GOLGA4: variants seen among roughly 807,000 people sequenced by gnomAD.
The protein encoded by GOLGA4 is golgin subfamily A member 4.
Under a neutral mutation model 265.9 loss-of-function variants are expected in GOLGA4, and 169 were observed. The observed-to-expected ratio is 0.64, with a 90% confidence interval of 0.56 to 0.72. GOLGA4 has a LOEUF of 0.72. Ranked by LOEUF, GOLGA4 falls within the 30% of genes least tolerant of loss-of-function variation. GOLGA4 has a pLI of 0.00. For missense variants in GOLGA4, 2,482 were observed against 2,483.4 expected (o/e 1.00, Z 0.01); for synonymous variants, 923 against 855.8 (o/e 1.08, Z -1.37).
intron 10 of GOLGA4, chr3:37,313,284 TAC>T (rs1444701693): frequency 8.5e-5 from 13 of 152,248 alleles, no homozygotes; most frequent in Admixed American, 7.9e-4. Context: ...TCTCTGTTGT[TAC>T]CAGAATTCAC....
intron 20 of GOLGA4, among the ~76,000 whole-genome samples, chr3:37,346,842 C>T (rs1277175571): frequency 6.6e-6 from 1 of 152,134 alleles, no homozygotes; most frequent in Non-Finnish European, 1.5e-5. Flanking sequence ...TAAGATTCTG[C>T]TCATCAGACA....
chr3:37,347,165 C>T (rs775437320), intron 20 of GOLGA4, 28 bp from the exon 21 acceptor site: 2 of 1,338,260 alleles, frequency 1.5e-6, no homozygotes, highest in Non-Finnish European at 2.1e-6. Context: ...TTTGTCTTTA[C>T]AGTTTGATCT....
In GOLGA4 at chr3:37,294,874, C is replaced by T. The variant is rs74345885; in HGVS notation, c.583-105C>T. On this transcript the variant is annotated intron_variant, in intron 5 of 23. Coordinates refer to ENST00000361924, the MANE Select transcript of GOLGA4 (RefSeq NM_002078.5). The stretch of plus-strand genomic sequence containing the variant: ...TATTCTCTAATTATTGTTGCTGATA[C>T]CTTAAGGGGAATGCAAATCTGTATT... The T allele has an allele frequency of 6.1e-3, 3,883 of 636,168 alleles. 23 individuals carry two copies. The highest frequency in any genetic ancestry group is 9.2e-3 in the Non-Finnish European group (3,306 of 358,236). The allele number at this position is 636,168 out of a possible 1,614,324, so 39.4% of individuals were successfully genotyped here. A position where few individuals can be genotyped will look rare whatever the true frequency, so the allele number is the denominator to read the frequency against.
At chr3:37,362,205 A>AT (rs891795487) in intron 23 of GOLGA4, among the ~76,000 whole-genome samples, 1 of 31,602 alleles carries the variant, frequency 3.2e-5, no homozygotes, top group African/African-American at 4.9e-5. Flanking sequence ...GCTTTTATTT[A>AT]TTTATTTATT....
At chr3:37,244,516 T>A (rs1455839599) in intron 1 of GOLGA4, among the ~76,000 whole-genome samples, 3 of 152,236 alleles carry the variant, frequency 2.0e-5, no homozygotes, top group Non-Finnish European at 4.4e-5. Flanking sequence ...AGACGTCGGT[T>A]TCTGCTTAAT....
At chr3:37,294,611 T>C (rs1475572563) in intron 5 of GOLGA4, among the ~76,000 whole-genome samples, 1 of 152,152 alleles carries the variant, frequency 6.6e-6, no homozygotes, top group Non-Finnish European at 1.5e-5. Context: ...GGTCTCGAAC[T>C]CCTGACCTCA....
At chr3:37,297,902 G>T (rs753686856) in intron 7 of GOLGA4, among the ~76,000 whole-genome samples, 3 of 152,046 alleles carry the variant, frequency 2.0e-5, no homozygotes, top group Non-Finnish European at 4.4e-5. Flanking sequence ...GGTGGTGTGC[G>T]CCTGTAATCC....
intron 20 of GOLGA4, among the ~76,000 whole-genome samples, chr3:37,341,262 A>G (rs979024237): frequency 3.9e-5 from 6 of 152,242 alleles, no homozygotes; most frequent in Admixed American, 2.6e-4. Flanking sequence ...GATAATCAAG[A>G]TCATTGAATA....
chr3:37,348,455 A>G (rs2097063048), intron 21 of GOLGA4, among the ~76,000 whole-genome samples: 1 of 152,094 alleles, frequency 6.6e-6, no homozygotes, highest in Non-Finnish European at 1.5e-5. Context: ...AGCTAAAACT[A>G]ATTTTCTCCT....
Position 37,302,278 on chromosome 3 carries a change from A to G in GOLGA4, c.1180A>G (p.Met394Val), listed in dbSNP as rs1435404389. 5.0e-6 allele frequency: 8 copies of G among 1,613,100 alleles called. No homozygotes were observed. The highest frequency in any genetic ancestry group is 6.8e-6 in the Non-Finnish European group (8 of 1,179,170). The change falls in exon 10 of 24, where the codon ATG (methionine) becomes GTG (valine). Residue 394 changes from methionine to valine, a missense_variant. Physicochemically the swap from Met to Val is conservative, Grantham distance 21. Transcript: ENST00000361924. Reference protein sequence around the residue: ...IAQLRSRIKQMTTQGEELREQ... With the variant: ...IAQLRSRIKQVTTQGEELREQ... ...TCAACTCCGTAGTCGCATCAAACAG[A>G]TGACTACCCAGGGAGAGGAATTACG... is the stretch of plus-strand genomic sequence containing the variant.
chr3:37,294,947 G>A, intron 5 of GOLGA4, 32 bp from the exon 6 acceptor site: 1 of 1,434,686 alleles, frequency 7.0e-7, no homozygotes, highest in African/African-American at 1.4e-5. Flanking sequence ...GTTTTATACT[G>A]AAAATTACCT....
chr3:37,349,141 T>G (rs758886319), intron 21 of GOLGA4, among the ~76,000 whole-genome samples: 8 of 152,174 alleles, frequency 5.3e-5, no homozygotes, highest in Non-Finnish European at 1.2e-4. Context: ...AATAGAAAAT[T>G]GGTACTAGGT....
intron 10 of GOLGA4, among the ~76,000 whole-genome samples, chr3:37,314,003 C>T (rs1435106344): frequency 1.4e-5 from 2 of 147,914 alleles, no homozygotes; most frequent in Non-Finnish European, 3.0e-5. Context: ...CTTGCTCTGT[C>T]GGCCAGGCTG....
At chr3:37,308,462 A>G (rs558896027) in intron 10 of GOLGA4, among the ~76,000 whole-genome samples, 2 of 151,668 alleles carry the variant, frequency 1.3e-5, no homozygotes, top group East Asian at 3.9e-4. Flanking sequence ...GTAGTATTTT[A>G]TTTTCATTTA....
intron 5 of GOLGA4, among the ~76,000 whole-genome samples, chr3:37,291,274 T>G (rs2096863992): frequency 6.6e-6 from 1 of 152,086 alleles, no homozygotes; most frequent in African/African-American, 2.4e-5. Context: ...GAATACCTGT[T>G]TTTTTTTCCT....
chr3:37,310,626 A>C (rs1327578040), intron 10 of GOLGA4, among the ~76,000 whole-genome samples: 1 of 152,122 alleles, frequency 6.6e-6, no homozygotes, highest in Non-Finnish European at 1.5e-5. Flanking sequence ...GAAAGTGAGG[A>C]GCTAGCAATA....
Position 37,243,456 on chromosome 3 carries a change from G to A in GOLGA4, c.-95G>A. 9.7e-7 allele frequency: 1 copy of A among 1,032,566 alleles called. No individual in the cohort carries two copies. The highest frequency in any genetic ancestry group is 1.5e-6 in the Non-Finnish European group (1 of 653,988). 64.0% of individuals were successfully genotyped at this position (1,032,566 alleles called of 1,614,324 possible). On this transcript the variant is annotated 5_prime_UTR_variant, in exon 1 of 24. In the 5' UTR this introduces an upstream ATG that the reference lacks. Coordinates refer to ENST00000361924, the MANE Select transcript of GOLGA4 (RefSeq NM_002078.5). ...CGAGGCCCGGCCCCCGCTGTCCCTG[G>A]TGTAAAGAAGTCGCCGTAGCCGTCG...
intron 2 of GOLGA4, chr3:37,266,973 T>G (rs1313240655): frequency 1.0e-6 from 1 of 1,001,960 alleles, no homozygotes; most frequent in Non-Finnish European, 1.4e-6. Context: ...GCATTCCCTT[T>G]GTGGGGAAGC....
chr3:37,302,152 T>C, intron 9 of GOLGA4, 33 bp from the exon 10 acceptor site: 3 of 1,598,422 alleles, frequency 1.9e-6, no homozygotes, highest in Non-Finnish European at 2.6e-6. Context: ...AGTTTTGTTA[T>C]GCAAATGTTT....
Sources: allele counts gnomAD v4.1 joint callset (sites outside exome capture counted in the v4.1 genomes callset), GRCh38; gene constraint gnomAD v4.1.1; transcripts MANE v1.5; gene names NCBI Gene and HGNC (gene_info 2026-07-23, HGNC 2026-07-21).